RAPGEF6: variants seen among roughly 807,000 people sequenced by gnomAD.
RAPGEF6 encodes the protein Rap guanine nucleotide exchange factor 6.
RAPGEF6 carries 56 observed loss-of-function variants against 171.4 expected under a neutral mutation model. The observed-to-expected ratio is 0.33, with a 90% CI of 0.26 to 0.41. RAPGEF6 has a LOEUF of 0.41. Ranked by LOEUF, RAPGEF6 falls within the 10% of genes least tolerant of loss-of-function variation. The pLI is 1.00. For missense variants in RAPGEF6, 1,674 were observed against 1,921.4 expected (o/e 0.87, Z 2.41); for synonymous variants, 692 against 650.1 (o/e 1.06, Z -0.98).
chr5:131,547,952 C>T, intron 6 of RAPGEF6, 95 bp downstream of exon 6: 1 of 1,354,962 alleles, frequency 7.4e-7, no homozygotes, highest in Non-Finnish European at 1.0e-6. Context: ...ACATACAGAG[C>T]CCAGCATGTT....
intron 13 of RAPGEF6, among the ~76,000 whole-genome samples, chr5:131,493,165 T>C (rs966058068): frequency 6.6e-6 from 1 of 152,038 alleles, no homozygotes; most frequent in African/African-American, 2.4e-5. Context: ...CCCGGGTTCA[T>C]GCCATTCTCC....
In RAPGEF6 at chr5:131,548,015, A is replaced by C. The variant is rs554642425; in HGVS notation, c.495+32T>G. 2.6e-4 allele frequency: 412 copies of C among 1,596,574 alleles called. 4 individuals carry two copies. The South Asian group carries it at 4.3e-3, about 17-fold the overall frequency. ...AAGATACTAGATATGAAAATTAAGGAAGATTCATGAAGTGTTCCTAAATAT... is the reference window on the plus strand; with the variant it reads ...AAGATACTAGATATGAAAATTAAGGCAGATTCATGAAGTGTTCCTAAATAT... On this transcript the variant is annotated intron_variant, in intron 6 of 27. Coordinates refer to ENST00000509018, the MANE Select transcript of RAPGEF6 (RefSeq NM_016340.6).
intron 5 of RAPGEF6, among the ~76,000 whole-genome samples, chr5:131,551,086 TTATGTA>T (rs1760892926): frequency 6.6e-6 from 1 of 152,222 alleles, no homozygotes; most frequent in Non-Finnish European, 1.5e-5. Context: ...GTCCTTGGAA[TTATGTA>T]TAAAGTCCTC....
intron 6 of RAPGEF6, among the ~76,000 whole-genome samples, chr5:131,528,009 C>T (rs181031016): frequency 6.8e-4 from 94 of 137,364 alleles, no homozygotes; most frequent in Middle Eastern, 4.1e-3. Context: ...AGTGAGACTC[C>T]GTGTCAAAAA....
intron 15 of RAPGEF6, 129 bp downstream of exon 15, chr5:131,489,417 T>C (rs1473519688): frequency 1.6e-6 from 1 of 628,304 alleles, no homozygotes; most frequent in East Asian, 3.0e-5. Flanking sequence ...AAACTAAAGA[T>C]TCTGAAACTA....
chr5:131,548,334 G>A (rs1331216243), intron 5 of RAPGEF6, 144 bp from the exon 6 acceptor site: 3 of 726,568 alleles, frequency 4.1e-6, no homozygotes, highest in Non-Finnish European at 4.4e-6. Context: ...ATAGCACAAC[G>A]CTCATGAGTT....
At chr5:131,542,250 T>C (rs1334014138) in intron 6 of RAPGEF6, among the ~76,000 whole-genome samples, 2 of 152,212 alleles carry the variant, frequency 1.3e-5, no homozygotes, top group South Asian at 4.1e-4. Flanking sequence ...AAATAATTTG[T>C]AAGCAATAGG....
At chr5:131,450,011 C>G (rs1752961054) in intron 21 of RAPGEF6, 1 of 1,540,320 alleles carries the variant, frequency 6.5e-7, no homozygotes, top group Non-Finnish European at 8.7e-7. Context: ...TTGCGTTCAT[C>G]TCTACACTTA....
chr5:131,514,998 T>A (rs1362613852), intron 7 of RAPGEF6, among the ~76,000 whole-genome samples: 1 of 152,172 alleles, frequency 6.6e-6, no homozygotes, highest in Non-Finnish European at 1.5e-5. Context: ...TCTGTATACA[T>A]AAATATAATT....
At chr5:131,482,354 A>T (rs1370369940) in intron 15 of RAPGEF6, among the ~76,000 whole-genome samples, 2 of 152,150 alleles carry the variant, frequency 1.3e-5, no homozygotes, top group East Asian at 1.9e-4. Context: ...TCACTCTGTC[A>T]TCCAGGCTGG....
chr5:131,501,103 T>TA (rs1232238200), intron 11 of RAPGEF6, among the ~76,000 whole-genome samples: 2 of 151,916 alleles, frequency 1.3e-5, no homozygotes, highest in South Asian at 2.1e-4. Flanking sequence ...GGTCAGGAGT[T>TA]AGAGATCAGC....
chr5:131,610,495 G>A (rs1474330743), intron 1 of RAPGEF6, among the ~76,000 whole-genome samples: 2 of 152,168 alleles, frequency 1.3e-5, no homozygotes, highest in African/African-American at 4.8e-5. Context: ...CACATGACTC[G>A]CTTGGTTATT....
intron 3 of RAPGEF6, among the ~76,000 whole-genome samples, chr5:131,598,468 AC>A (rs1403663144): frequency 6.6e-6 from 1 of 152,216 alleles, no homozygotes; most frequent in African/African-American, 2.4e-5. Flanking sequence ...TAAACCCTAA[AC>A]AGAATAAATC....
chr5:131,542,509 C>T (rs1334603553), intron 6 of RAPGEF6, among the ~76,000 whole-genome samples: 2 of 152,152 alleles, frequency 1.3e-5, no homozygotes, highest in Non-Finnish European at 2.9e-5. Context: ...AGGCAATATA[C>T]TCTAAGGTTA....
At chr5:131,466,512 G>T (rs755144085) in intron 17 of RAPGEF6, among the ~76,000 whole-genome samples, 3 of 152,110 alleles carry the variant, frequency 2.0e-5, no homozygotes, top group Non-Finnish European at 2.9e-5. Flanking sequence ...ACATGTCATG[G>T]GAGGGAGCCA....
rs199828146 is a variant in RAPGEF6, at chr5:131,508,243, C to T, written c.806-36G>A. The T allele has an allele frequency of 2.8e-4, 436 of 1,576,926 alleles. 1 individual carries two copies. The highest frequency in any genetic ancestry group is 2.1e-3 in the South Asian group (177 of 85,200). The stretch of plus-strand genomic sequence containing the variant: ...ACAGAAATTCTGGTATAAAGACCAT[C>T]GAGGACTATACCTTAAAAATACAAC... On this transcript the variant is annotated intron_variant, in intron 8 of 27. Coordinates refer to ENST00000509018, the MANE Select transcript of RAPGEF6 (RefSeq NM_016340.6).
intron 1 of RAPGEF6, among the ~76,000 whole-genome samples, chr5:131,619,787 G>T (rs1765496863): frequency 6.6e-6 from 1 of 152,166 alleles, no homozygotes; most frequent in Admixed American, 6.5e-5. Flanking sequence ...GTTCTTTCTG[G>T]ATTCTCGTCT....
chr5:131,477,985 C>T (rs968464277), intron 16 of RAPGEF6, among the ~76,000 whole-genome samples: 3 of 152,164 alleles, frequency 2.0e-5, no homozygotes, highest in Non-Finnish European at 2.9e-5. Context: ...TCTCCTTACT[C>T]GATCCCCATT....
At chr5:131,521,254 T>G (rs2149908743) in intron 7 of RAPGEF6, 136 bp downstream of exon 7, 1 of 883,654 alleles carries the variant, frequency 1.1e-6, no homozygotes, top group Non-Finnish European at 1.6e-6. Flanking sequence ...ACACAGTATA[T>G]AAAGCTTATT....
Sources: allele counts gnomAD v4.1 joint callset (sites outside exome capture counted in the v4.1 genomes callset), GRCh38; gene constraint gnomAD v4.1.1; transcripts MANE v1.5; gene names NCBI Gene and HGNC (gene_info 2026-07-23, HGNC 2026-07-21).